Variants in LDLRAD4 observed in about 807,000 individuals in gnomAD.
The protein encoded by LDLRAD4 is low-density lipoprotein receptor class A domain-containing protein 4.
In LDLRAD4, 5 loss-of-function variants were observed where a neutral mutation model predicts 17.0. That is an observed-to-expected ratio of 0.29 (90% CI 0.15 to 0.62). LDLRAD4 has a LOEUF of 0.62. Ranked by LOEUF, LDLRAD4 falls within the 20% of genes least tolerant of loss-of-function variation. The pLI, the probability that LDLRAD4 is intolerant of heterozygous loss-of-function variation, is 0.84. For missense variants in LDLRAD4, 340 were observed against 424.7 expected (o/e 0.80, Z 1.75); for synonymous variants, 168 against 171.8 (o/e 0.98, Z 0.17).
At chr18:13,272,626 T>G (rs2044630627) in intron 1 of LDLRAD4, among the ~76,000 whole-genome samples, 1 of 152,256 alleles carries the variant, frequency 6.6e-6, no homozygotes, top group Admixed American at 6.5e-5. Context: ...TGAAAGGCGC[T>G]GATGAAATGC....
intron 3 of LDLRAD4, among the ~76,000 whole-genome samples, chr18:13,445,422 C>T (rs1006354674): frequency 9.3e-5 from 14 of 151,160 alleles, no homozygotes; most frequent in African/African-American, 2.2e-4. Flanking sequence ...TGCATGCATG[C>T]GTGGGTGTGC....
intron 3 of LDLRAD4, among the ~76,000 whole-genome samples, chr18:13,492,950 T>C (rs2093389290): frequency 6.6e-6 from 1 of 151,810 alleles, no homozygotes; most frequent in South Asian, 2.1e-4. Flanking sequence ...GACCCTGTCT[T>C]CACAAAAATA....
chr18:13,230,801 T>C (rs1367019294), intron 1 of LDLRAD4, among the ~76,000 whole-genome samples: 1 of 152,190 alleles, frequency 6.6e-6, no homozygotes, highest in Non-Finnish European at 1.5e-5. Flanking sequence ...AGACCATATC[T>C]TGCTCCTTTG....
At chr18:13,525,829 G>A (rs1387415341) in intron 3 of LDLRAD4, among the ~76,000 whole-genome samples, 2 of 152,220 alleles carry the variant, frequency 1.3e-5, no homozygotes, top group African/African-American at 4.8e-5. Flanking sequence ...ATGACCAGGA[G>A]GAACGGTTCT....
At chr18:13,350,818 G>A (rs2082994438) in intron 1 of LDLRAD4, among the ~76,000 whole-genome samples, 3 of 152,288 alleles carry the variant, frequency 2.0e-5, no homozygotes, top group African/African-American at 7.2e-5. Flanking sequence ...TAAGGTGTAA[G>A]GAAGGGTCCA....
At chr18:13,553,133 A>G (rs1221342843) in intron 3 of LDLRAD4, among the ~76,000 whole-genome samples, 2 of 152,254 alleles carry the variant, frequency 1.3e-5, no homozygotes, top group Non-Finnish European at 2.9e-5. Context: ...AAAAGTGTTT[A>G]TGAGTGGGAA....
intron 4 of LDLRAD4, chr18:13,642,748 A>G: frequency 2.4e-6 from 3 of 1,231,112 alleles, no homozygotes; most frequent in Non-Finnish European, 3.0e-6. Context: ...AATGTATTTC[A>G]AGCACACAGG....
At chr18:13,601,482 C>T (rs915423329) in intron 3 of LDLRAD4, among the ~76,000 whole-genome samples, 1 of 151,872 alleles carries the variant, frequency 6.6e-6, no homozygotes, top group Non-Finnish European at 1.5e-5. Flanking sequence ...CAGATATTGA[C>T]GAGGCTGCAG....
At chr18:13,223,016 A>G (rs2145351440) in intron 1 of LDLRAD4, among the ~76,000 whole-genome samples, 1 of 152,332 alleles carries the variant, frequency 6.6e-6, no homozygotes, top group Middle Eastern at 3.4e-3. Flanking sequence ...CTTGGGCATA[A>G]TGTACTTTCA....
chr18:13,568,087 G>C (rs1222996139), intron 3 of LDLRAD4, among the ~76,000 whole-genome samples: 5 of 152,070 alleles, frequency 3.3e-5, no homozygotes, highest in Non-Finnish European at 7.4e-5. Flanking sequence ...CTGAGGTCAG[G>C]AGTTCGAGAC....
chr18:13,446,022 A>G (rs970467728), intron 3 of LDLRAD4, among the ~76,000 whole-genome samples: 3 of 152,214 alleles, frequency 2.0e-5, no homozygotes, highest in African/African-American at 7.2e-5. Context: ...AGGACAGGCA[A>G]TTAGAGTAAT....
intron 3 of LDLRAD4, among the ~76,000 whole-genome samples, chr18:13,573,531 G>C (rs1388576160): frequency 6.6e-6 from 1 of 152,200 alleles, no homozygotes; most frequent in African/African-American, 2.4e-5. Flanking sequence ...TGAGCCACTG[G>C]CTGCTCTCCT....
intron 3 of LDLRAD4, among the ~76,000 whole-genome samples, chr18:13,607,942 A>G (rs2095240670): frequency 6.6e-6 from 1 of 152,198 alleles, no homozygotes; most frequent in South Asian, 2.1e-4. Context: ...ATGATTTATA[A>G]TCCTTTGGGT....
At chr18:13,586,237 G>A (rs1054167988) in intron 3 of LDLRAD4, among the ~76,000 whole-genome samples, 3 of 151,398 alleles carry the variant, frequency 2.0e-5, no homozygotes, top group South Asian at 2.1e-4. Context: ...GCAAAACCCC[G>A]TCTCTACTAA....
At chr18:13,428,903 T>C (rs559436566) in intron 2 of LDLRAD4, among the ~76,000 whole-genome samples, 90 of 152,284 alleles carry the variant, frequency 5.9e-4, no homozygotes, top group African/African-American at 1.8e-3. Context: ...CACAAGGATA[T>C]GTTGAACAAG....
chr18:13,484,985 C>T (rs1028449600), intron 3 of LDLRAD4, among the ~76,000 whole-genome samples: 11 of 152,192 alleles, frequency 7.2e-5, no homozygotes, highest in South Asian at 4.1e-4. Context: ...TAGACAGGCA[C>T]GTCACCCAGT....
At chr18:13,451,616 G>A (rs2091840950) in intron 3 of LDLRAD4, among the ~76,000 whole-genome samples, 1 of 152,174 alleles carries the variant, frequency 6.6e-6, no homozygotes. Context: ...AGATGGGATG[G>A]CTTATAAACA....
intron 1 of LDLRAD4, among the ~76,000 whole-genome samples, chr18:13,296,084 G>A (rs1002587208): frequency 2.6e-5 from 4 of 152,232 alleles, no homozygotes; most frequent in African/African-American, 7.2e-5. Context: ...GGGCTCCTGC[G>A]CCTGGCGGGC....
In LDLRAD4 at chr18:13,535,157, T is replaced by C. The variant is rs77036555; in HGVS notation, c.182-85960T>C. On this transcript the variant is annotated intron_variant, in intron 3 of 5. Coordinates refer to ENST00000359446, the Ensembl canonical transcript of LDLRAD4. ...GTGAATATTCACATAGAAGTCTTTG[T>C]GTGGGCATATATTTTCATTTTTCTT... 7.3e-3 allele frequency among the ~76,000 whole-genome samples: 1,108 copies of C among 152,334 alleles called. 11 individuals carry two copies. Among genetic ancestry groups the C allele is most frequent in the African/African-American group, 0.025 (1,039 of 41,566 alleles).
Sources: allele counts gnomAD v4.1 joint callset (sites outside exome capture counted in the v4.1 genomes callset), GRCh38; gene constraint gnomAD v4.1.1; transcripts MANE v1.5; gene names NCBI Gene and HGNC (gene_info 2026-07-23, HGNC 2026-07-21).